REPS1: variants seen among roughly 807,000 people sequenced by gnomAD.
The protein encoded by REPS1 is ralBP1-associated Eps domain-containing protein 1.
In REPS1, 39 loss-of-function variants were observed where a neutral mutation model predicts 100.9. The observed-to-expected ratio is 0.39, with a 90% CI of 0.30 to 0.50. The LOEUF (loss-of-function observed/expected upper bound fraction) is 0.50. Ranked by LOEUF, REPS1 falls within the 20% of genes least tolerant of loss-of-function variation. The probability of loss-of-function intolerance (pLI) is 0.86; values close to 1 mark genes in which losing one functional copy is unlikely to be tolerated. For synonymous variants in REPS1, 324 were observed against 340.3 expected, an observed-to-expected ratio of 0.95 and a Z score of 0.53; for missense variants, 821 against 968.5, an observed-to-expected ratio of 0.85 and a Z score of 2.02.
intron 10 of REPS1, among the ~76,000 whole-genome samples, chr6:138,922,983 C>T (rs1290976011): frequency 6.6e-6 from 1 of 152,136 alleles, no homozygotes; most frequent in African/African-American, 2.4e-5. Context: ...ATTATACTAA[C>T]AAATTCATTC....
intron 9 of REPS1, 84 bp downstream of exon 9, chr6:138,929,893 G>A (rs1781378516): frequency 7.4e-7 from 1 of 1,348,820 alleles, no homozygotes; most frequent in Middle Eastern, 1.8e-4. Flanking sequence ...CATGCTGGAA[G>A]AGACAGACTG....
chr6:138,908,719 T>G lies in REPS1; in HGVS notation c.2165A>C (p.Gln722Pro). The change falls in exon 18 of 20, where the codon CAA becomes CCA. Residue 722 changes from glutamine (Q) to proline (P), a missense_variant. Gln to Pro is a moderately conservative substitution (Grantham distance 76). Coordinates refer to ENST00000450536, the MANE Select transcript of REPS1 (RefSeq NM_001286611.2). ...ELRPEVDEHTQKTGVLAAVLA... is the reference protein window; with the variant it reads ...ELRPEVDEHTPKTGVLAAVLA... ...AACAGCAGCTAAGACACCCGTCTTT[T>G]GTGTATGTTCATCAACTTCTGGCCT... The G allele has an allele frequency of 6.2e-7, 1 of 1,614,190 alleles. No homozygotes were observed. The highest frequency in any genetic ancestry group is 8.5e-7 in the Non-Finnish European group (1 of 1,180,010).
chr6:138,973,236 C>T (rs1028394034), intron 1 of REPS1, among the ~76,000 whole-genome samples: 2 of 152,094 alleles, frequency 1.3e-5, no homozygotes, highest in African/African-American at 4.8e-5. Flanking sequence ...ACAAAAAACA[C>T]ATGGTATTTT....
intron 1 of REPS1, 94 bp downstream of exon 1, chr6:138,987,436 C>T (rs1160144713): frequency 2.3e-6 from 3 of 1,298,418 alleles, no homozygotes; most frequent in Non-Finnish European, 3.0e-6. Flanking sequence ...AACCAGCCCC[C>T]CGCCGGGCCC....
At chr6:138,961,480 C>T (rs1783738858) in intron 1 of REPS1, among the ~76,000 whole-genome samples, 1 of 152,036 alleles carries the variant, frequency 6.6e-6, no homozygotes, top group African/African-American at 2.4e-5. Flanking sequence ...CTGCCTCGGC[C>T]TCCCGAAGTA....
intron 2 of REPS1, among the ~76,000 whole-genome samples, chr6:138,946,122 T>C (rs1782596964): frequency 6.6e-6 from 1 of 152,238 alleles, no homozygotes; most frequent in Admixed American, 6.5e-5. Context: ...CCCCAAAGCC[T>C]AGGCTGCTTC....
At chr6:138,976,330 C>T (rs772704837) in intron 1 of REPS1, among the ~76,000 whole-genome samples, 4 of 152,042 alleles carry the variant, frequency 2.6e-5, no homozygotes, top group African/African-American at 9.7e-5. Flanking sequence ...CAGGAACATG[C>T]TATTATAATT....
chr6:138,929,948 T>C (rs1562527528), intron 9 of REPS1, 29 bp downstream of exon 9: 1 of 1,609,844 alleles, frequency 6.2e-7, no homozygotes, highest in Admixed American at 1.7e-5. Context: ...AGTTAACTTT[T>C]AATGAAAGAA....
At position 138,903,762 on chromosome 6, in the gene REPS1, T is replaced by G. The variant is rs942355943; in HGVS notation, c.*1302A>C. 6.6e-6 allele frequency: 1 copy of G among 152,208 alleles called. No individual in the cohort carries two copies. Among genetic ancestry groups the G allele is most frequent in the African/African-American group, 2.4e-5 (1 of 41,444 alleles). The allele number at this position is 152,208 out of a possible 1,614,324, so 9.4% of individuals were successfully genotyped here. On this transcript the variant is annotated 3_prime_UTR_variant, in exon 20 of 20. Coordinates refer to ENST00000450536, the MANE Select transcript of REPS1 (RefSeq NM_001286611.2). ...TATTATTTAACAACTAAAGCCATAC[T>G]GAAAGCCACTTGGAAACTTCAGCTG...
rs372033486 is a variant in REPS1, at chr6:138,910,977, T to C, written c.2067+299A>G. ...CCTTAGAGGGCTGATAATTTTTCTT[T>C]ATTATATTGAAGACTACAATAAAAG... is the stretch of plus-strand genomic sequence containing the variant. On this transcript the variant is annotated intron_variant, in intron 17 of 19. Coordinates refer to ENST00000450536, the MANE Select transcript of REPS1 (RefSeq NM_001286611.2). 4 of 197,256 alleles carry C rather than the reference T, an allele frequency of 2.0e-5. 1 individual carries two copies. The allele number at this position is 197,256 out of a possible 1,614,324, so 12.2% of individuals were successfully genotyped here. A position where few individuals can be genotyped will look rare whatever the true frequency, so the allele number is the denominator to read the frequency against.
chr6:138,987,107 T>A (rs972434766), intron 1 of REPS1, among the ~76,000 whole-genome samples: 1 of 152,206 alleles, frequency 6.6e-6, no homozygotes, highest in Non-Finnish European at 1.5e-5. Flanking sequence ...CTTTATCACG[T>A]CTTCTCGGTT....
chr6:138,948,393 T>A (rs1188894), intron 1 of REPS1, among the ~76,000 whole-genome samples: 91,415 of 152,018 alleles, frequency 0.6, 27,936 homozygotes, highest in Non-Finnish European at 0.66. Flanking sequence ...AACTATTTTT[T>A]AAAAGTCTAT....
At chr6:138,948,853 A>C (rs1021804920) in intron 1 of REPS1, among the ~76,000 whole-genome samples, 2 of 152,236 alleles carry the variant, frequency 1.3e-5, no homozygotes, top group Non-Finnish European at 2.9e-5. Context: ...AAAAGGACCT[A>C]TTAATGATTA....
At chr6:138,951,656 G>T (rs777184043) in intron 1 of REPS1, among the ~76,000 whole-genome samples, 1 of 152,096 alleles carries the variant, frequency 6.6e-6, no homozygotes, top group Non-Finnish European at 1.5e-5. Context: ...AATAGATTAG[G>T]AATTAGGTGT....
At chr6:138,975,508 T>C (rs1411931854) in intron 1 of REPS1, among the ~76,000 whole-genome samples, 1 of 152,218 alleles carries the variant, frequency 6.6e-6, no homozygotes, top group Non-Finnish European at 1.5e-5. Context: ...TTTTCTTCTA[T>C]AGAGCAGAGC....
At chr6:138,936,187 T>C (rs17053846) in intron 8 of REPS1, among the ~76,000 whole-genome samples, 13,368 of 152,024 alleles carry the variant, frequency 0.088, 1,231 homozygotes, top group African/African-American at 0.23. Flanking sequence ...TCCGCTGAAT[T>C]TGAAATCATA....
In REPS1 at chr6:138,945,258, G is replaced by C; in HGVS notation, c.589C>G (p.Pro197Ala). 1 of 1,610,868 alleles carries C rather than the reference G, an allele frequency of 6.2e-7. No individual in the cohort carries two copies. Among genetic ancestry groups the C allele is most frequent in the Non-Finnish European group, 8.5e-7 (1 of 1,179,386 alleles). The change falls in exon 4 of 20, where the codon CCT becomes GCT. Residue 197 changes from proline to alanine, a missense_variant. This residue lies in a region of REPS1 where 757 missense variants were observed against 866.4 expected (regional missense o/e 0.87). Transcript: ENST00000450536. ...CCAAAGGGAGACCAAAATGGCCCAGGTCCCGCGAGAGGCCTCTCACTATTC... is the reference window on the plus strand; with the variant it reads ...CCAAAGGGAGACCAAAATGGCCCAGCTCCCGCGAGAGGCCTCTCACTATTC... ...GGNSERPLAGPGPFWSPFGEA... is the reference protein window; with the variant it reads ...GGNSERPLAGAGPFWSPFGEA...
intron 8 of REPS1, among the ~76,000 whole-genome samples, chr6:138,939,973 A>G (rs1232031345): frequency 6.6e-6 from 1 of 152,204 alleles, no homozygotes; most frequent in East Asian, 1.9e-4. Flanking sequence ...TCAGTGTACA[A>G]TTCAGGTCCT....
intron 8 of REPS1, among the ~76,000 whole-genome samples, chr6:138,931,765 T>C (rs1781498608): frequency 6.7e-6 from 1 of 148,244 alleles, no homozygotes; most frequent in Non-Finnish European, 1.5e-5. Context: ...TAGTTTTCAT[T>C]GGGAAAAAAA....
Sources: gnomAD v4.1 joint callset for allele counts (sites outside exome capture counted in the v4.1 genomes callset) on GRCh38, gnomAD v4.1.1 for gene constraint, gnomAD v4.1.1 regional missense constraint, MANE v1.5 for transcripts, NCBI Gene and HGNC (gene_info 2026-07-23, HGNC 2026-07-21) for gene names.